Variants in PSD3 observed in about 807,000 individuals in gnomAD.
The protein encoded by PSD3 is PH and SEC7 domain-containing protein 3.
Under a neutral mutation model 105.5 loss-of-function variants are expected in PSD3, and 49 were observed. The ratio of observed to expected loss-of-function variants is 0.46; its 90% CI spans 0.37 to 0.59. PSD3 has a LOEUF of 0.59. Among genes scored for constraint, PSD3 ranks in the 20% least tolerant of loss-of-function variants. The pLI, the probability that PSD3 is intolerant of heterozygous loss-of-function variation, is 0.00. For missense variants in PSD3, 1,561 were observed against 1,263.8 expected, an observed-to-expected ratio of 1.24 and a Z score of -3.57; for synonymous variants, 557 against 457.8, an observed-to-expected ratio of 1.22 and a Z score of -2.77.
At chr8:18,955,657 G>A (rs986201254) in intron 1 of PSD3, among the ~76,000 whole-genome samples, 9 of 152,156 alleles carry the variant, frequency 5.9e-5, no homozygotes, top group Non-Finnish European at 1.0e-4. Flanking sequence ...CTTGATACAC[G>A]TTGCTGAGCT....
chr8:18,868,023 G>A lies in PSD3; in HGVS notation c.1285C>T (p.Leu429Phe), dbSNP rs181164284. 3 of 1,613,376 alleles carry A rather than the reference G, an allele frequency of 1.9e-6. No individual in the cohort carries two copies. In the African/African-American group the frequency reaches 4.0e-5, roughly 22 times the overall value. ...EHVKGEDEDI[L>F]GPGYTEDSTD... ...GAGTCCTCCGTATATCCAGGCCCAA[G>A]GATGTCTTCATCTTCCCCCTTAACG... The change falls in exon 4 of 16, where the codon CTT becomes TTT. Residue 429 changes from leucine (L) to phenylalanine (F), a missense_variant. Physicochemically the swap from Leu to Phe is conservative, Grantham distance 22. Transcript: ENST00000327040.
intron 9 of PSD3, among the ~76,000 whole-genome samples, chr8:18,724,169 T>C (rs971066575): frequency 6.6e-6 from 1 of 152,160 alleles, no homozygotes; most frequent in Admixed American, 6.6e-5. Context: ...ATCATGTGGA[T>C]TAGAGATCTC....
intron 1 of PSD3, among the ~76,000 whole-genome samples, chr8:19,025,198 C>T (rs1363347412): frequency 6.6e-6 from 1 of 151,922 alleles, no homozygotes; most frequent in Non-Finnish European, 1.5e-5. Flanking sequence ...CTCATTAACA[C>T]CCTAAATCAC....
intron 10 of PSD3, among the ~76,000 whole-genome samples, chr8:18,649,434 T>C (rs996961736): frequency 1.3e-5 from 2 of 152,188 alleles, no homozygotes; most frequent in African/African-American, 4.8e-5. Context: ...CTTTCTTCCT[T>C]TTGGAATAGG....
intron 1 of PSD3, among the ~76,000 whole-genome samples, chr8:18,941,583 C>T (rs1426097288): frequency 1.3e-5 from 2 of 151,468 alleles, no homozygotes; most frequent in Non-Finnish European, 2.9e-5. Context: ...CAAAGAATTA[C>T]ATTCACGTTA....
At chr8:19,013,451 A>G in intron 1 of PSD3, 112 bp downstream of exon 1, 1 of 1,449,128 alleles carries the variant, frequency 6.9e-7, no homozygotes, top group Non-Finnish European at 9.4e-7. Flanking sequence ...GCACAAACCC[A>G]GGTGGCCCCG....
chr8:18,558,976 T>C (rs1801238649), intron 14 of PSD3, among the ~76,000 whole-genome samples: 1 of 152,226 alleles, frequency 6.6e-6, no homozygotes. Flanking sequence ...TTTTAAACAT[T>C]GCATAGTACC....
At chr8:18,720,512 T>C (rs907470599) in intron 9 of PSD3, among the ~76,000 whole-genome samples, 1 of 152,142 alleles carries the variant, frequency 6.6e-6, no homozygotes, top group Non-Finnish European at 1.5e-5. Context: ...ATTATATGTG[T>C]TTACAGCAAT....
Position 18,765,605 on chromosome 8 carries a change from G to A in PSD3, c.2083-67C>T, listed in dbSNP as rs928368279. On this transcript the variant is annotated intron_variant, in intron 8 of 15. Coordinates refer to ENST00000327040, the MANE Select transcript of PSD3 (RefSeq NM_015310.4). ...AATTAAGACTGATTCATAAATATATGATGAGGCAGACCAATAATTTGTTTC... is the reference window on the plus strand; with the variant it reads ...AATTAAGACTGATTCATAAATATATAATGAGGCAGACCAATAATTTGTTTC... 14 of 1,265,772 alleles carry A rather than the reference G, an allele frequency of 1.1e-5. No individual in the cohort carries two copies. In the Admixed American group the frequency reaches 1.7e-4, roughly 15 times the overall value. 78.4% of individuals were successfully genotyped at this position (1,265,772 alleles called of 1,614,324 possible). A position where few individuals can be genotyped will look rare whatever the true frequency, so the allele number is the denominator to read the frequency against.
chr8:18,695,477 T>C (rs767975606), intron 9 of PSD3, among the ~76,000 whole-genome samples: 3 of 152,374 alleles, frequency 2.0e-5, no homozygotes, highest in South Asian at 2.1e-4. Context: ...AAGGATTCCA[T>C]AGAACTGTGG....
chr8:18,687,223 G>T (rs371788220), intron 9 of PSD3, among the ~76,000 whole-genome samples: 1 of 152,114 alleles, frequency 6.6e-6, no homozygotes, highest in African/African-American at 2.4e-5. Flanking sequence ...CAGCACTTTG[G>T]GAGGCCAAGG....
Position 18,534,648 on chromosome 8 carries a change from T to C in PSD3, c.*1095A>G, listed in dbSNP as rs1284902880. ...TCATTCTGACTACTACTTTCAGATATATTTTAAAGAACCAATATCCATCGT... is the reference window on the plus strand; with the variant it reads ...TCATTCTGACTACTACTTTCAGATACATTTTAAAGAACCAATATCCATCGT... On this transcript the variant is annotated 3_prime_UTR_variant, in exon 16 of 16. Transcript: ENST00000327040. 1.3e-5 allele frequency: 2 copies of C among 152,218 alleles called. No individual in the cohort carries two copies. 9.4% of individuals were successfully genotyped at this position (152,218 alleles called of 1,614,324 possible).
chr8:18,858,604 TTTA>T (rs1468790190), intron 4 of PSD3, among the ~76,000 whole-genome samples: 2 of 152,210 alleles, frequency 1.3e-5, no homozygotes, highest in Non-Finnish European at 2.9e-5. Context: ...TTGCCACTGC[TTTA>T]TTAAGTTTAT....
intron 9 of PSD3, among the ~76,000 whole-genome samples, chr8:18,691,268 C>A (rs1290066881): frequency 6.6e-6 from 1 of 152,166 alleles, no homozygotes; most frequent in Non-Finnish European, 1.5e-5. Flanking sequence ...CCCTCATGAA[C>A]AAGACCAGTC....
At chr8:18,973,065 C>G (rs573859806) in intron 1 of PSD3, among the ~76,000 whole-genome samples, 1 of 152,158 alleles carries the variant, frequency 6.6e-6, no homozygotes, top group African/African-American at 2.4e-5. Flanking sequence ...GGGGTTTATT[C>G]GATGGACTAC....
At chr8:18,941,665 C>CTTTTT (rs869259596) in intron 1 of PSD3, among the ~76,000 whole-genome samples, 8 of 107,736 alleles carry the variant, frequency 7.4e-5, no homozygotes, top group African/African-American at 2.3e-4. Flanking sequence ...TGTAGAATGA[C>CTTTTT]TTTTTTTTTT....
At chr8:18,610,695 A>G (rs1805199793) in intron 11 of PSD3, among the ~76,000 whole-genome samples, 1 of 152,232 alleles carries the variant, frequency 6.6e-6, no homozygotes, top group Non-Finnish European at 1.5e-5. Flanking sequence ...GATAGAGAAT[A>G]AGAAATGAAA....
At chr8:18,737,596 T>C (rs1417855760) in intron 9 of PSD3, among the ~76,000 whole-genome samples, 3 of 152,188 alleles carry the variant, frequency 2.0e-5, no homozygotes, top group Admixed American at 6.5e-5. Context: ...GTCACTACGC[T>C]TGGCCTCTAT....
intron 8 of PSD3, among the ~76,000 whole-genome samples, chr8:18,767,306 G>T (rs1807080158): frequency 6.6e-6 from 1 of 152,326 alleles, no homozygotes; most frequent in East Asian, 1.9e-4. Context: ...AGTAGAAGCT[G>T]CTAGCTGTGG....
Sources: gnomAD v4.1 joint callset for allele counts (sites outside exome capture counted in the v4.1 genomes callset) on GRCh38, gnomAD v4.1.1 for gene constraint, MANE v1.5 for transcripts, NCBI Gene and HGNC (gene_info 2026-07-23, HGNC 2026-07-21) for gene names.